CASD1: variants seen among roughly 807,000 people sequenced by gnomAD.
The protein encoded by CASD1 is N-acetylneuraminate (7)9-O-acetyltransferase.
Under a neutral mutation model 100.0 loss-of-function variants are expected in CASD1, and 41 were observed. The ratio of observed to expected loss-of-function variants is 0.41; its 90% CI spans 0.32 to 0.53. The LOEUF is 0.53. Among genes scored for constraint, CASD1 ranks in the 20% least tolerant of loss-of-function variants. CASD1 has a pLI of 0.25. For missense variants in CASD1, 774 were observed against 948.7 expected (o/e 0.82, Z 2.42); for synonymous variants, 321 against 315.6 (o/e 1.02, Z -0.18).
chr7:94,605,165 C>G, the CASD1 span, among the ~76,000 whole-genome samples: 24 of 151,902 alleles, frequency 1.6e-4, no homozygotes, highest in East Asian at 4.5e-3. Context: ...AGCATCACAC[C>G]GGAATCAGAT....
chr7:94,514,565 G>T (rs961228954), intron 1 of CASD1, among the ~76,000 whole-genome samples: 3 of 151,994 alleles, frequency 2.0e-5, no homozygotes, highest in African/African-American at 7.2e-5. Context: ...TCCTTTAGTT[G>T]TTACATTTTA....
chr7:94,629,812 C>T, the CASD1 span: 115 of 1,610,710 alleles, frequency 7.1e-5, no homozygotes, highest in South Asian at 8.8e-4. Context: ...ACATTCCGAT[C>T]GGAGTGTACC....
At chr7:94,595,463 T>C in the CASD1 span, among the ~76,000 whole-genome samples, 1 of 152,186 alleles carries the variant, frequency 6.6e-6, no homozygotes, top group African/African-American at 2.4e-5. Flanking sequence ...TTATGAATGA[T>C]AAATTCAGTA....
chr7:94,555,398 T>C, intron 17 of CASD1, 94 bp from the exon 18 acceptor site: 3 of 1,254,004 alleles, frequency 2.4e-6, no homozygotes, highest in Non-Finnish European at 3.3e-6. Flanking sequence ...AGCCTTCTAA[T>C]GTTATTATGC....
At chr7:94,544,265 T>C (rs1795562624) in intron 10 of CASD1, 146 bp from the exon 11 acceptor site, 13 of 964,988 alleles carry the variant, frequency 1.3e-5, no homozygotes, top group Admixed American at 4.9e-5. Context: ...CTTGCTATAA[T>C]GACTAACTTT....
chr7:94,632,128 T>C, the CASD1 span, among the ~76,000 whole-genome samples: 17 of 152,178 alleles, frequency 1.1e-4, no homozygotes, highest in Admixed American at 1.0e-3. Context: ...CATCCTTCAT[T>C]GACATTATAA....
At chr7:94,540,196 G>T (rs779941588) in intron 10 of CASD1, among the ~76,000 whole-genome samples, 1 of 152,082 alleles carries the variant, frequency 6.6e-6, no homozygotes, top group South Asian at 2.1e-4. Flanking sequence ...TTATAGTGAA[G>T]ATGCAAACTT....
intron 11 of CASD1, among the ~76,000 whole-genome samples, chr7:94,544,827 TTTTC>T (rs1795596756): frequency 6.6e-6 from 1 of 152,134 alleles, no homozygotes; most frequent in Admixed American, 6.6e-5. Flanking sequence ...ATGTGCTATG[TTTTC>T]TTTCTTTGAG....
At chr7:94,575,517 CTG>C in the CASD1 span, among the ~76,000 whole-genome samples, 3 of 152,104 alleles carry the variant, frequency 2.0e-5, no homozygotes, top group African/African-American at 7.2e-5. Context: ...AATGCATACT[CTG>C]TTTTTTTGGG....
chr7:94,551,256 A>G (rs1447955524), intron 14 of CASD1, 82 bp from the exon 15 acceptor site: 38 of 1,129,814 alleles, frequency 3.4e-5, no homozygotes, highest in Non-Finnish European at 3.7e-5. Context: ...ACTTTTATTC[A>G]TATATTCCTC....
At chr7:94,573,736 A>T in the CASD1 span, among the ~76,000 whole-genome samples, 33,122 of 152,016 alleles carry the variant, frequency 0.22, 4,348 homozygotes, top group South Asian at 0.35. Flanking sequence ...CTCTTGCTTG[A>T]TTGTTCTGGC....
the CASD1 span, among the ~76,000 whole-genome samples, chr7:94,609,519 A>G: frequency 6.6e-6 from 1 of 152,208 alleles, no homozygotes; most frequent in Non-Finnish European, 1.5e-5. Context: ...GTGACACAGT[A>G]AGACTCTGTC....
chr7:94,564,229 CTG>C, the CASD1 span, among the ~76,000 whole-genome samples: 6 of 152,332 alleles, frequency 3.9e-5, no homozygotes, highest in Admixed American at 3.3e-4. Flanking sequence ...AGCAATGAAA[CTG>C]TGTCTGGCAC....
At chr7:94,590,200 C>A in the CASD1 span, among the ~76,000 whole-genome samples, 1 of 152,104 alleles carries the variant, frequency 6.6e-6, no homozygotes, top group Non-Finnish European at 1.5e-5. Flanking sequence ...GAACTTGTTA[C>A]AGCATACAGG....
At chr7:94,598,558 T>A in the CASD1 span, 2 of 569,596 alleles carry the variant, frequency 3.5e-6, no homozygotes, top group East Asian at 3.1e-5. Flanking sequence ...GTATATGTAG[T>A]CTTGTTTGGA....
the CASD1 span, chr7:94,588,077 T>C: frequency 2.6e-5 from 34 of 1,325,542 alleles, no homozygotes; most frequent in Middle Eastern, 2.8e-4. Context: ...GAATAAGTTA[T>C]CTACTCAGTA....
the CASD1 span, chr7:94,629,881 T>C: frequency 1.2e-6 from 2 of 1,606,734 alleles, no homozygotes; most frequent in Non-Finnish European, 1.7e-6. Flanking sequence ...GAAAGACAAA[T>C]AATGAGATAC....
At chr7:94,566,416 A>G in the CASD1 span, among the ~76,000 whole-genome samples, 1 of 152,092 alleles carries the variant, frequency 6.6e-6, no homozygotes. Context: ...AAAAAGAAAT[A>G]TTTCTTAGTC....
At chr7:94,599,040 A>T in the CASD1 span, 1 of 1,067,538 alleles carries the variant, frequency 9.4e-7, no homozygotes, top group Non-Finnish European at 1.4e-6. Context: ...TGAAAAACTT[A>T]TGAAGTATTT....
Sources: allele counts gnomAD v4.1 joint callset (sites outside exome capture counted in the v4.1 genomes callset), GRCh38; gene constraint gnomAD v4.1.1; transcripts MANE v1.5; gene names NCBI Gene and HGNC (gene_info 2026-07-23, HGNC 2026-07-21).